PANX1: variants seen among roughly 807,000 people sequenced by gnomAD.
The protein encoded by PANX1 is pannexin-1.
PANX1 carries 30 observed loss-of-function variants against 38.7 expected under a neutral mutation model. That is an observed-to-expected ratio of 0.78 (90% confidence interval 0.58 to 1.05). The LOEUF is 1.05. Ranked by LOEUF, PANX1 falls within the 50% of genes least tolerant of loss-of-function variation. The pLI is 0.00. For synonymous variants in PANX1, 230 were observed against 212.2 expected (o/e 1.08, Z -0.73); for missense variants, 551 against 517.2 (o/e 1.07, Z -0.63).
chr11:94,176,152 T>G (rs559071325), intron 2 of PANX1, among the ~76,000 whole-genome samples: 5 of 151,868 alleles, frequency 3.3e-5, no homozygotes, highest in Non-Finnish European at 5.9e-5. Context: ...TGGAATATCG[T>G]TTACTCTTCA....
rs148696393 is a variant in PANX1, at chr11:94,171,287, C to T, written c.322-7082C>T. On this transcript the variant is annotated intron_variant, in intron 2 of 4. Coordinates refer to ENST00000227638, the MANE Select transcript of PANX1 (RefSeq NM_015368.4). Reference sequence around the variant, plus strand: ...TGAAACTAACTTCAGGCATCCCACTCCCTGTCTCTGCCTCCTGCCCTCCAA... The same window carrying T: ...TGAAACTAACTTCAGGCATCCCACTTCCTGTCTCTGCCTCCTGCCCTCCAA... 2.2e-4 allele frequency among the ~76,000 whole-genome samples: 34 copies of T among 151,794 alleles called. No individual in the cohort carries two copies. In the East Asian group the frequency reaches 6.2e-3, roughly 28 times the overall value.
In PANX1 at chr11:94,153,600, G is replaced by A; in HGVS notation, c.291G>A (p.Glu97=). The change falls in exon 2 of 5, where the codon GAG becomes GAA. Residue 97 remains glutamate (E), a synonymous_variant. Transcript: ENST00000227638. ...AVQQKNSLQS[E]SGNLPLWLHK... ...AGCAGAAGAACTCACTGCAGAGCGAGTCTGGAAACCTCCCACTGTGGCTGC... is the reference window on the plus strand; with the variant it reads ...AGCAGAAGAACTCACTGCAGAGCGAATCTGGAAACCTCCCACTGTGGCTGC... The A allele has an allele frequency of 6.2e-7, 1 of 1,613,932 alleles. No homozygotes were observed. Among genetic ancestry groups the A allele is most frequent in the Non-Finnish European group, 8.5e-7 (1 of 1,179,894 alleles).
chr11:94,136,104 G>A (rs1946685751), intron 1 of PANX1, among the ~76,000 whole-genome samples: 1 of 152,040 alleles, frequency 6.6e-6, no homozygotes, highest in African/African-American at 2.4e-5. Flanking sequence ...AAAAGGAAAG[G>A]AGACTAGTCG....
In PANX1 at chr11:94,181,337, A is replaced by G. The variant is rs1947304510; in HGVS notation, c.*468A>G. 1 of 155,852 alleles carries G rather than the reference A, an allele frequency of 6.4e-6. No individual in the cohort carries two copies. The highest frequency in any genetic ancestry group is 1.4e-5 in the Non-Finnish European group (1 of 70,086). The allele number at this position is 155,852 out of a possible 1,614,324, so 9.7% of individuals were successfully genotyped here. A position where few individuals can be genotyped will look rare whatever the true frequency, so the allele number is the denominator to read the frequency against. ...GCCCTTAAAGACTGTTAGACAAGAA[A>G]AGCATTCACTGGCTAATAATCCATA... On this transcript the variant is annotated 3_prime_UTR_variant, in exon 5 of 5. Transcript: ENST00000227638.
At position 94,153,610 on chromosome 11, in the gene PANX1, C is replaced by T. The variant is rs1317334437; in HGVS notation, c.301C>T (p.Leu101Phe). The T allele has an allele frequency of 2.5e-6, 4 of 1,613,734 alleles. No homozygotes were observed. Among genetic ancestry groups the T allele is most frequent in the South Asian group, 1.1e-5 (1 of 91,070 alleles). The change falls in exon 2 of 5, where the codon CTC (leucine) becomes TTC (phenylalanine). Residue 101 changes from leucine to phenylalanine, a missense_variant. By Grantham distance (22) the Leu-to-Phe change is conservative (BLOSUM62 0). Coordinates refer to ENST00000227638, the MANE Select transcript of PANX1 (RefSeq NM_015368.4). ...KNSLQSESGN[L>F]PLWLHKFFPY... is the part of the protein sequence containing the mutation. ...CTCACTGCAGAGCGAGTCTGGAAAC[C>T]TCCCACTGTGGCTGCATAAGGTAAA...
Position 94,180,053 on chromosome 11 carries a change from C to T in PANX1, c.997C>T (p.Leu333Phe). Residue 333 changes from leucine (L) to phenylalanine (F), a missense_variant, in exon 4 of 5, where the codon CTC becomes TTC. Leu to Phe is a conservative substitution (Grantham distance 22). Transcript: ENST00000227638. ...GTACAACGATTTGAGCCTCTACAAT[C>T]TCTTCTTGGAGGAAAATATAAGTGA... ...EGYNDLSLYNLFLEENISEVK... is the reference protein window; with the variant it reads ...EGYNDLSLYNFFLEENISEVK... 6.2e-7 allele frequency: 1 copy of T among 1,611,448 alleles called. No homozygotes were observed. Among genetic ancestry groups the T allele is most frequent in the African/African-American group, 1.3e-5 (1 of 74,950 alleles).
chr11:94,147,063 G>A (rs905163741), intron 1 of PANX1, among the ~76,000 whole-genome samples: 3 of 152,170 alleles, frequency 2.0e-5, no homozygotes, highest in Admixed American at 6.5e-5. Flanking sequence ...ATGGCAGAGT[G>A]TTAACACTGG....
rs181663700 is a variant in PANX1, at chr11:94,136,497, T to C, written c.181+7004T>C. Reference sequence around the variant, plus strand: ...ATGTGTCCTTAAAACTTGATACATATCGGCCGGGCGCGGTGACTCATGCTT... The same window carrying C: ...ATGTGTCCTTAAAACTTGATACATACCGGCCGGGCGCGGTGACTCATGCTT... On this transcript the variant is annotated intron_variant, in intron 1 of 4. Transcript: ENST00000227638. Among the ~76,000 whole-genome samples the C allele has an allele frequency of 4.8e-3, 725 of 152,282 alleles. 5 individuals are homozygous for C. The highest frequency in any genetic ancestry group is 0.016 in the African/African-American group (669 of 41,562).
At chr11:94,162,065 A>G (rs1422533557) in intron 2 of PANX1, among the ~76,000 whole-genome samples, 1 of 152,080 alleles carries the variant, frequency 6.6e-6, no homozygotes, top group Non-Finnish European at 1.5e-5. Flanking sequence ...TTGCTGCCTG[A>G]TCGTTCCTCT....
chr11:94,129,440 T>G lies in PANX1; in HGVS notation c.128T>G (p.Val43Gly). The G allele has an allele frequency of 6.2e-7, 1 of 1,613,760 alleles. No homozygotes were observed. Among genetic ancestry groups the G allele is most frequent in the Non-Finnish European group, 8.5e-7 (1 of 1,179,816 alleles). The change falls in exon 1 of 5, where the codon GTG becomes GGG. Residue 43 changes from valine (V) to glycine (G), a missense_variant. Transcript: ENST00000227638. ...GACAAGATGGTCACGTGCATTGCGGTGGGGCTGCCCCTGCTGCTCATCTCG... is the reference window on the plus strand; with the variant it reads ...GACAAGATGGTCACGTGCATTGCGGGGGGGCTGCCCCTGCTGCTCATCTCG... ...AVDKMVTCIA[V>G]GLPLLLISLA...
intron 1 of PANX1, among the ~76,000 whole-genome samples, chr11:94,149,852 C>CT (rs1555073399): frequency 6.6e-6 from 1 of 152,142 alleles, no homozygotes; most frequent in Non-Finnish European, 1.5e-5. Context: ...TATGATAGTA[C>CT]TTTGAAACTT....
At chr11:94,142,070 C>T (rs1037041259) in intron 1 of PANX1, among the ~76,000 whole-genome samples, 2 of 152,184 alleles carry the variant, frequency 1.3e-5, no homozygotes, top group African/African-American at 4.8e-5. Context: ...TTCTCAGGCA[C>T]TGCTGTGTGC....
At chr11:94,173,555 A>T (rs2134519960) in intron 2 of PANX1, among the ~76,000 whole-genome samples, 1 of 151,568 alleles carries the variant, frequency 6.6e-6, no homozygotes, top group Middle Eastern at 3.4e-3. Context: ...ATGCCCTTGC[A>T]TGAGCTACAC....
At chr11:94,159,297 C>G (rs534951609) in intron 2 of PANX1, among the ~76,000 whole-genome samples, 19 of 152,036 alleles carry the variant, frequency 1.2e-4, no homozygotes, top group Non-Finnish European at 2.4e-4. Context: ...CCCTCTTTTT[C>G]TATTGATTGG....
At chr11:94,141,902 T>G (rs1308686455) in intron 1 of PANX1, among the ~76,000 whole-genome samples, 2 of 152,190 alleles carry the variant, frequency 1.3e-5, no homozygotes, top group East Asian at 3.9e-4. Context: ...GAACGGTGTC[T>G]GGTACGTAGG....
chr11:94,169,767 C>T (rs1157311787), intron 2 of PANX1, among the ~76,000 whole-genome samples: 3 of 151,612 alleles, frequency 2.0e-5, no homozygotes, highest in African/African-American at 7.3e-5. Context: ...GAGGATCCTG[C>T]CATGGAGACT....
At position 94,179,923 on chromosome 11, in the gene PANX1, C is replaced by A. The variant is rs768265041; in HGVS notation, c.867C>A (p.Pro289=). 3 of 1,610,946 alleles carry A rather than the reference C, an allele frequency of 1.9e-6. No homozygotes were observed. In the Admixed American group the frequency reaches 5.0e-5, roughly 27 times the overall value. Reference sequence around the variant, plus strand: ...TTGTGGTTTATGTCCTGCTGGCTCCCGTGGTTGTCTACACGCTGTTTGTTC... The same window carrying A: ...TTGTGGTTTATGTCCTGCTGGCTCCAGTGGTTGTCTACACGCTGTTTGTTC... ...INLVVYVLLA[P]VVVYTLFVPF... Residue 289 remains proline, a synonymous_variant, in exon 4 of 5, where the codon CCC becomes CCA. Transcript: ENST00000227638.
chr11:94,181,865 A>T lies in PANX1; in HGVS notation c.*996A>T, dbSNP rs1011929499. The T allele has an allele frequency of 6.6e-6, 1 of 152,218 alleles. No homozygotes were observed. Among genetic ancestry groups the T allele is most frequent in the South Asian group, 2.1e-4 (1 of 4,824 alleles). The allele number at this position is 152,218 out of a possible 1,614,324, so 9.4% of individuals were successfully genotyped here. A position where few individuals can be genotyped will look rare whatever the true frequency, so the allele number is the denominator to read the frequency against. ...TTTATATTTAAGCACAGCTTTAAAA[A>T]ATTCATTATCGTTTATTCAGTGTCC... On this transcript the variant is annotated 3_prime_UTR_variant, in exon 5 of 5. Coordinates refer to ENST00000227638, the MANE Select transcript of PANX1 (RefSeq NM_015368.4).
intron 2 of PANX1, among the ~76,000 whole-genome samples, chr11:94,159,580 C>T (rs1475545482): frequency 6.6e-6 from 1 of 152,082 alleles, no homozygotes; most frequent in East Asian, 1.9e-4. Context: ...GTGATATCCC[C>T]TTTATCATTT....
Sources: gnomAD v4.1 joint callset for allele counts (sites outside exome capture counted in the v4.1 genomes callset) on GRCh38, gnomAD v4.1.1 for gene constraint, MANE v1.5 for transcripts, NCBI Gene and HGNC (gene_info 2026-07-23, HGNC 2026-07-21) for gene names.